FHL5: variants seen among roughly 807,000 people sequenced by gnomAD.
FHL5 encodes four and a half LIM domains protein 5.
In FHL5, 33 loss-of-function variants were observed where a neutral mutation model predicts 32.0. The observed-to-expected ratio is 1.03, with a 90% CI of 0.78 to 1.38. The LOEUF (loss-of-function observed/expected upper bound fraction) is 1.38, where lower values mean the gene tolerates loss of function less well. Ranked by LOEUF, FHL5 falls within the 40% of genes most tolerant of loss-of-function variation. The pLI, the probability that FHL5 is intolerant of heterozygous loss-of-function variation, is 0.00. For missense variants in FHL5, 336 were observed against 343.9 expected (o/e 0.98, Z 0.18); for synonymous variants, 114 against 113.6 (o/e 1.00, Z -0.02).
intron 5 of FHL5, among the ~76,000 whole-genome samples, chr6:96,614,096 T>A (rs923758572): frequency 2.0e-5 from 3 of 152,362 alleles, no homozygotes; most frequent in South Asian, 4.1e-4. Flanking sequence ...CACATGTTGG[T>A]TCAGCCCTTT....
intron 3 of FHL5, among the ~76,000 whole-genome samples, chr6:96,605,639 A>G (rs911621970): frequency 6.6e-6 from 1 of 152,182 alleles, no homozygotes; most frequent in African/African-American, 2.4e-5. Flanking sequence ...GTACTTTTAC[A>G]TCTCCAGATT....
intron 1 of FHL5, among the ~76,000 whole-genome samples, chr6:96,600,549 T>G (rs75438651): frequency 0.025 from 3,796 of 152,196 alleles, 51 homozygotes; most frequent in Non-Finnish European, 0.03. Context: ...TTCCTTAAGA[T>G]CTTCCTAGGA....
intron 1 of FHL5, among the ~76,000 whole-genome samples, chr6:96,597,367 C>CA (rs896595300): frequency 1.9e-4 from 23 of 118,668 alleles, no homozygotes; most frequent in African/African-American, 4.4e-4. Context: ...CCCTCCAACA[C>CA]AAAAAAAATC....
At chr6:96,571,705 G>A (rs1411575857) in intron 1 of FHL5, among the ~76,000 whole-genome samples, 2 of 152,122 alleles carry the variant, frequency 1.3e-5, no homozygotes. Context: ...CACAGCACTG[G>A]CCTGACTCCA....
At chr6:96,578,851 T>A (rs542705809) in intron 1 of FHL5, among the ~76,000 whole-genome samples, 84 of 152,032 alleles carry the variant, frequency 5.5e-4, no homozygotes, top group East Asian at 4.1e-3. Flanking sequence ...CAAAAAAAAA[T>A]AAATAAATAA....
intron 1 of FHL5, among the ~76,000 whole-genome samples, chr6:96,597,374 A>C (rs80338633): frequency 6.6e-6 from 1 of 151,782 alleles, no homozygotes; most frequent in Admixed American, 6.6e-5. Context: ...ACACAAAAAA[A>C]ATCACATTTT....
chr6:96,616,570 T>C lies in FHL5; in HGVS notation c.*798T>C, dbSNP rs751312698. The C allele has an allele frequency of 6.6e-6, 1 of 152,208 alleles. No homozygotes were observed. The highest frequency in any genetic ancestry group is 1.5e-5 in the Non-Finnish European group (1 of 68,040). The allele number at this position is 152,208 out of a possible 1,614,324, so 9.4% of individuals were successfully genotyped here. On this transcript the variant is annotated 3_prime_UTR_variant, in exon 6 of 6. Transcript: ENST00000450218. Reference sequence around the variant, plus strand: ...TGAAATAAAAGTCTATTCTTTCAAGTGGAGCTAACCAGGATAATCTTTGTC... The same window carrying C: ...TGAAATAAAAGTCTATTCTTTCAAGCGGAGCTAACCAGGATAATCTTTGTC...
chr6:96,613,437 G>C (rs928876375), intron 5 of FHL5, among the ~76,000 whole-genome samples: 4 of 152,184 alleles, frequency 2.6e-5, no homozygotes, highest in Admixed American at 2.0e-4. Context: ...GCAGTGAAAG[G>C]TGCTCTGGAC....
At chr6:96,584,457 G>GTT (rs1770757136) in intron 1 of FHL5, among the ~76,000 whole-genome samples, 1 of 144,852 alleles carries the variant, frequency 6.9e-6, no homozygotes, top group African/African-American at 2.8e-5. Context: ...GTGTGTGTGT[G>GTT]TGTTTGTGTG....
chr6:96,613,093 T>A (rs1019353953), intron 5 of FHL5, among the ~76,000 whole-genome samples: 1 of 152,144 alleles, frequency 6.6e-6, no homozygotes, highest in Non-Finnish European at 1.5e-5. Context: ...GCTAAGAGAA[T>A]AGATTTTTAA....
intron 1 of FHL5, among the ~76,000 whole-genome samples, chr6:96,588,622 G>C (rs1280920106): frequency 6.6e-6 from 1 of 152,182 alleles, no homozygotes; most frequent in Non-Finnish European, 1.5e-5. Flanking sequence ...CACTGATTAA[G>C]AGTAGGTTGT....
At chr6:96,605,595 A>C (rs995016583) in intron 3 of FHL5, among the ~76,000 whole-genome samples, 6 of 152,132 alleles carry the variant, frequency 3.9e-5, no homozygotes. Flanking sequence ...AATTTATCCA[A>C]ACCATGTGAA....
rs1395665827 is a variant in FHL5, at chr6:96,616,458, G to A, written c.*686G>A. 1 of 152,086 alleles carries A rather than the reference G, an allele frequency of 6.6e-6. No individual in the cohort carries two copies. The highest frequency in any genetic ancestry group is 1.5e-5 in the Non-Finnish European group (1 of 68,028). The allele number at this position is 152,086 out of a possible 1,614,324, so 9.4% of individuals were successfully genotyped here. Reference sequence around the variant, plus strand: ...ATAAAGAGGATCATTTCTACCTAGGGATAGCCAAAGCATGGGTTTCAACAC... The same window carrying A: ...ATAAAGAGGATCATTTCTACCTAGGAATAGCCAAAGCATGGGTTTCAACAC... On this transcript the variant is annotated 3_prime_UTR_variant, in exon 6 of 6. Transcript: ENST00000450218.
intron 2 of FHL5, 82 bp downstream of exon 2, chr6:96,603,854 G>A (rs1771211244): frequency 2.8e-6 from 3 of 1,072,146 alleles, no homozygotes; most frequent in Middle Eastern, 4.2e-4. Context: ...ATTTAGTGTT[G>A]ACTTTCAACA....
intron 1 of FHL5, among the ~76,000 whole-genome samples, chr6:96,581,796 C>T (rs1177243431): frequency 1.3e-5 from 2 of 152,112 alleles, no homozygotes; most frequent in African/African-American, 2.4e-5. Flanking sequence ...AAAACCCTGG[C>T]ACAATTAATA....
At chr6:96,597,742 T>G (rs1771065203) in intron 1 of FHL5, among the ~76,000 whole-genome samples, 1 of 152,184 alleles carries the variant, frequency 6.6e-6, no homozygotes, top group Non-Finnish European at 1.5e-5. Flanking sequence ...CATATACAAG[T>G]GTCACTGCCC....
chr6:96,613,515 A>C (rs1015041430), intron 5 of FHL5, among the ~76,000 whole-genome samples: 2 of 152,168 alleles, frequency 1.3e-5, no homozygotes, highest in Non-Finnish European at 2.9e-5. Context: ...AACTCACCTC[A>C]GGGGTGGGGG....
chr6:96,612,406 A>T (rs1264251274), intron 5 of FHL5, among the ~76,000 whole-genome samples: 2 of 152,228 alleles, frequency 1.3e-5, no homozygotes, highest in Non-Finnish European at 2.9e-5. Flanking sequence ...GGAAATTAAC[A>T]ACTCAAAATA....
chr6:96,585,903 C>T (rs1459282905), intron 1 of FHL5, among the ~76,000 whole-genome samples: 3 of 151,998 alleles, frequency 2.0e-5, no homozygotes, highest in Non-Finnish European at 4.4e-5. Flanking sequence ...ATATAAGTAG[C>T]GTATTTATTT....
Sources: allele counts gnomAD v4.1 joint callset (sites outside exome capture counted in the v4.1 genomes callset), GRCh38; gene constraint gnomAD v4.1.1; transcripts MANE v1.5; gene names NCBI Gene and HGNC (gene_info 2026-07-23, HGNC 2026-07-21).